PPP1CB: variants seen among roughly 807,000 people sequenced by gnomAD.
PPP1CB encodes serine/threonine-protein phosphatase PP1-beta catalytic subunit.
PPP1CB carries 2 observed loss-of-function variants against 43.7 expected under a neutral mutation model. That is an observed-to-expected ratio of 0.05 (90% CI 0.02 to 0.14). The LOEUF is 0.14. PPP1CB is among the 10% of genes least tolerant of loss of function. The probability of loss-of-function intolerance (pLI) is 1.00; values close to 1 mark genes in which losing one functional copy is unlikely to be tolerated. For synonymous variants in PPP1CB, 136 were observed against 135.6 expected, an observed-to-expected ratio of 1.00 and a Z score of -0.02; for missense variants, 84 against 398.0, an observed-to-expected ratio of 0.21 and a Z score of 6.71.
At chr2:28,787,263 T>C (rs1164398022) in intron 5 of PPP1CB, among the ~76,000 whole-genome samples, 1 of 152,088 alleles carries the variant, frequency 6.6e-6, no homozygotes, top group Admixed American at 6.6e-5. Flanking sequence ...ATCGAGACCA[T>C]CCTGGCTAAC....
At chr2:28,758,048 ATTTT>A (rs113722278) in intron 1 of PPP1CB, among the ~76,000 whole-genome samples, 1 of 143,534 alleles carries the variant, frequency 7.0e-6, no homozygotes, top group African/African-American at 2.6e-5. Context: ...TTTTTAATTA[ATTTT>A]TTTTTTTTTT....
chr2:28,794,933 G>T (rs1667468080), intron 7 of PPP1CB, among the ~76,000 whole-genome samples: 1 of 152,054 alleles, frequency 6.6e-6, no homozygotes, highest in African/African-American at 2.4e-5. Flanking sequence ...GAGGTTTGGT[G>T]TATGAATGAT....
At chr2:28,752,392 G>T (rs1339643354) in intron 1 of PPP1CB, among the ~76,000 whole-genome samples, 1 of 152,186 alleles carries the variant, frequency 6.6e-6, no homozygotes, top group Non-Finnish European at 1.5e-5. Flanking sequence ...CGGGGGAGAG[G>T]GGGCCGTTCC....
At chr2:28,763,913 T>C (rs887854309) in intron 1 of PPP1CB, among the ~76,000 whole-genome samples, 3 of 135,664 alleles carry the variant, frequency 2.2e-5, no homozygotes, top group African/African-American at 5.0e-5. Context: ...AGCATGTTGG[T>C]CAGGCTGGTC....
In PPP1CB at chr2:28,801,373, T is replaced by C. The variant is rs958595172; in HGVS notation, c.*2070T>C. On this transcript the variant is annotated 3_prime_UTR_variant, in exon 8 of 8. Coordinates refer to ENST00000395366, the MANE Select transcript of PPP1CB (RefSeq NM_002709.3). ...TTAAACCACATTAATCTGTATCCCA[T>C]TGTCTGGCTTTTGTAAATTCATCCA... 5.9e-5 allele frequency: 9 copies of C among 152,196 alleles called. No homozygotes were observed. The highest frequency in any genetic ancestry group is 5.9e-4 in the Admixed American group (9 of 15,290). The allele number at this position is 152,196 out of a possible 1,614,324, so 9.4% of individuals were successfully genotyped here. A position where few individuals can be genotyped will look rare whatever the true frequency, so the allele number is the denominator to read the frequency against.
At chr2:28,760,085 A>T (rs1666607209) in intron 1 of PPP1CB, among the ~76,000 whole-genome samples, 1 of 152,164 alleles carries the variant, frequency 6.6e-6, no homozygotes, top group African/African-American at 2.4e-5. Context: ...ATATAGTGTT[A>T]CTGATGATCC....
In PPP1CB at chr2:28,752,008, G is replaced by A. The variant is rs1482021296; in HGVS notation, c.-117G>A. On this transcript the variant is annotated 5_prime_UTR_variant, in exon 1 of 8. Transcript: ENST00000395366. ...GGGCCCGGGAAAAGGGGGAGTTGGA[G>A]CCGGGGTCGAAACGCCGCGTGACTT... 2 of 986,592 alleles carry A rather than the reference G, an allele frequency of 2.0e-6. No individual in the cohort carries two copies. Among genetic ancestry groups the A allele is most frequent in the African/African-American group, 1.6e-5 (1 of 61,356 alleles). The allele number at this position is 986,592 out of a possible 1,614,324, so 61.1% of individuals were successfully genotyped here.
chr2:28,789,380 G>A (rs1274997092), intron 6 of PPP1CB, among the ~76,000 whole-genome samples: 3 of 151,622 alleles, frequency 2.0e-5, no homozygotes, highest in South Asian at 4.2e-4. Flanking sequence ...GTGGTGGTGC[G>A]TGCCTGTGGT....
chr2:28,759,876 C>T (rs909898961), intron 1 of PPP1CB, among the ~76,000 whole-genome samples: 2 of 152,122 alleles, frequency 1.3e-5, no homozygotes, highest in Admixed American at 6.5e-5. Flanking sequence ...GCCTCGGCCT[C>T]CCAAAGTGTT....
intron 7 of PPP1CB, among the ~76,000 whole-genome samples, chr2:28,798,744 A>G (rs756459806): frequency 6.6e-6 from 1 of 152,064 alleles, no homozygotes; most frequent in African/African-American, 2.4e-5. Context: ...TGGGGTGACA[A>G]ATGTTCTAAA....
At chr2:28,789,739 C>T (rs1424699733) in intron 6 of PPP1CB, among the ~76,000 whole-genome samples, 2 of 151,174 alleles carry the variant, frequency 1.3e-5, no homozygotes, top group Non-Finnish European at 2.9e-5. Context: ...GCTGGGATTA[C>T]AGGCACGCAC....
At chr2:28,777,977 A>C (rs568503751) in intron 2 of PPP1CB, among the ~76,000 whole-genome samples, 13 of 152,360 alleles carry the variant, frequency 8.5e-5, no homozygotes, top group African/African-American at 3.1e-4. Flanking sequence ...TGAATGGATC[A>C]GTTAACTTAG....
intron 3 of PPP1CB, 61 bp downstream of exon 3, chr2:28,779,100 G>A: frequency 7.9e-7 from 1 of 1,258,048 alleles, no homozygotes; most frequent in Non-Finnish European, 1.1e-6. Context: ...TAATTTTCTG[G>A]TTCAGAAGAG....
chr2:28,763,326 G>A (rs1349082448), intron 1 of PPP1CB, among the ~76,000 whole-genome samples: 1 of 152,064 alleles, frequency 6.6e-6, no homozygotes, highest in African/African-American at 2.4e-5. Context: ...CATGTGTGTT[G>A]CAATGAACAA....
chr2:28,764,428 C>G (rs538692555), intron 1 of PPP1CB, among the ~76,000 whole-genome samples: 3 of 146,982 alleles, frequency 2.0e-5, no homozygotes, highest in Non-Finnish European at 4.5e-5. Flanking sequence ...CCACTGCACT[C>G]GAGCCTAGGC....
intron 1 of PPP1CB, among the ~76,000 whole-genome samples, chr2:28,773,473 T>G (rs1666958101): frequency 6.6e-6 from 1 of 152,264 alleles, no homozygotes; most frequent in Non-Finnish European, 1.5e-5. Flanking sequence ...GAATAGCTTC[T>G]CTTTTCAGTT....
intron 5 of PPP1CB, among the ~76,000 whole-genome samples, chr2:28,786,880 A>C (rs1667278746): frequency 6.6e-6 from 1 of 151,890 alleles, no homozygotes; most frequent in African/African-American, 2.4e-5. Context: ...GGGTGGGTGT[A>C]TATTTTCGAA....
chr2:28,759,940 A>G (rs1237589952), intron 1 of PPP1CB, among the ~76,000 whole-genome samples: 1 of 104,944 alleles, frequency 9.5e-6, no homozygotes, highest in African/African-American at 3.8e-5. Context: ...TCTTATTTTA[A>G]AAAACTAGTT....
chr2:28,781,117 A>G (rs1331421783), intron 3 of PPP1CB, among the ~76,000 whole-genome samples: 1 of 152,146 alleles, frequency 6.6e-6, no homozygotes, highest in East Asian at 1.9e-4. Context: ...AAAAATTGCT[A>G]TATTATACTG....
Sources: gnomAD v4.1 joint callset for allele counts (sites outside exome capture counted in the v4.1 genomes callset) on GRCh38, gnomAD v4.1.1 for gene constraint, MANE v1.5 for transcripts, NCBI Gene and HGNC (gene_info 2026-07-23, HGNC 2026-07-21) for gene names.